SSH3: variants seen among roughly 807,000 people sequenced by gnomAD.
SSH3 encodes slingshot protein phosphatase 3, also known as protein phosphatase Slingshot homolog 3.
SSH3 carries 67 observed loss-of-function variants against 75.0 expected under a neutral mutation model. That is an observed-to-expected ratio of 0.89 (90% CI 0.73 to 1.10). SSH3 has a LOEUF of 1.10. Ranked by LOEUF, SSH3 falls within the 50% of genes least tolerant of loss-of-function variation. The pLI is 0.00. For missense variants in SSH3, 824 were observed against 872.7 expected (o/e 0.94, Z 0.70); for synonymous variants, 318 against 349.2 (o/e 0.91, Z 1.00).
chr11:67,306,809 G>A lies in SSH3; in HGVS notation c.340-29G>A, dbSNP rs772201408. The A allele has an allele frequency of 1.0e-5, 16 of 1,591,328 alleles. No homozygotes were observed. In the Admixed American group the frequency reaches 2.7e-4, roughly 27 times the overall value. On this transcript the variant is annotated intron_variant, in intron 3 of 13. Transcript: ENST00000308127. ...GGGGAGCAGGGTCCTTGGGGCCACT[G>A]TGACCCTGGGTTCCTCATCTCCCCC...
At chr11:67,304,222 T>C in intron 2 of SSH3, 67 bp downstream of exon 2, 1 of 1,281,212 alleles carries the variant, frequency 7.8e-7, no homozygotes, top group Non-Finnish European at 1.1e-6. Flanking sequence ...CGTCCTGGGC[T>C]CCAGCTGCAG....
At chr11:67,306,730 G>C (rs1342685816) in intron 3 of SSH3, 108 bp from the exon 4 acceptor site, 1 of 1,275,182 alleles carries the variant, frequency 7.8e-7, no homozygotes, top group Non-Finnish European at 1.1e-6. Flanking sequence ...GAAGAGGGGG[G>C]ATGGGAGAGG....
At position 67,307,025 on chromosome 11, in the gene SSH3, C is replaced by T. The variant is rs369540734; in HGVS notation, c.465-17C>T. ...AGGGACAGGGGGGACAATGGCTTTC[C>T]CTCTGTCCCCTGCCAGCTCCCCCAG... On this transcript the variant is annotated splice_polypyrimidine_tract_variant and intron_variant, in intron 4 of 13. Transcript: ENST00000308127. This position sits in a 1 kb window ranked among gnomAD's most constrained non-coding sequence, Gnocchi z 4.2. 4.3e-6 allele frequency: 7 copies of T among 1,613,786 alleles called. No homozygotes were observed. The African/African-American group carries it at 5.3e-5, about 12-fold the overall frequency.
At chr11:67,311,184 A>C (rs941790919) in intron 13 of SSH3, among the ~76,000 whole-genome samples, 1 of 152,090 alleles carries the variant, frequency 6.6e-6, no homozygotes, top group African/African-American at 2.4e-5. Context: ...AGAGGTCCTC[A>C]CCCAGCACCG....
chr11:67,308,561 C>A lies in SSH3; in HGVS notation c.1061+103C>A. 6.9e-7 allele frequency: 1 copy of A among 1,449,896 alleles called. No homozygotes were observed. Among genetic ancestry groups the A allele is most frequent in the Non-Finnish European group, 9.4e-7 (1 of 1,063,534 alleles). 89.8% of individuals were successfully genotyped at this position (1,449,896 alleles called of 1,614,324 possible). A position where few individuals can be genotyped will look rare whatever the true frequency, so the allele number is the denominator to read the frequency against. The stretch of plus-strand genomic sequence containing the variant: ...TCAAAAACCCCTGGACCACCCTCAG[C>A]AGCTGCTAGCTCTGCTTCTAACTCT... On this transcript the variant is annotated intron_variant, in intron 10 of 13. Coordinates refer to ENST00000308127, the MANE Select transcript of SSH3 (RefSeq NM_017857.4). The surrounding 1 kb of genome is among the most constrained non-coding windows in gnomAD (Gnocchi z 4.9).
intron 3 of SSH3, 139 bp from the exon 4 acceptor site, chr11:67,306,699 A>C (rs1032866535): frequency 2.9e-6 from 3 of 1,048,060 alleles, no homozygotes; most frequent in Non-Finnish European, 4.0e-6. Flanking sequence ...GTCCCTCTTT[A>C]CCCACTGATT....
At chr11:67,304,671 G>A (rs1408840355) in intron 2 of SSH3, 102 bp from the exon 3 acceptor site, 5 of 1,206,480 alleles carry the variant, frequency 4.1e-6, no homozygotes, top group Non-Finnish European at 5.9e-6. Context: ...CCATGAATCC[G>A]TGTAGACAAG....
rs1861157197 is a variant in SSH3 at position 67,304,171 on chromosome 11, C to T, written c.104+16C>T. 1 of 1,581,004 alleles carries T rather than the reference C, an allele frequency of 6.3e-7. No homozygotes were observed. On this transcript the variant is annotated intron_variant, in intron 2 of 13. Coordinates refer to ENST00000308127, the MANE Select transcript of SSH3 (RefSeq NM_017857.4). ...TCCAGCGAAGGTGAGCGCCACCTCC[C>T]CCACGCAGACACTTCCGTCTGCCCC...
At position 67,308,175 on chromosome 11, in the gene SSH3, T is replaced by G. The variant is rs1389964098; in HGVS notation, c.887T>G (p.Ile296Ser). 1 of 1,612,900 alleles carries G rather than the reference T, an allele frequency of 6.2e-7. No individual in the cohort carries two copies. The highest frequency in any genetic ancestry group is 8.5e-7 in the Non-Finnish European group (1 of 1,179,586). The change falls in exon 9 of 14, where the codon ATC (isoleucine) becomes AGC (serine). Residue 296 changes from isoleucine to serine, a missense_variant and splice_region_variant. Coordinates refer to ENST00000308127, the MANE Select transcript of SSH3 (RefSeq NM_017857.4). The surrounding 1 kb of genome is among the most constrained non-coding windows in gnomAD (Gnocchi z 4.9). Reference sequence around the variant, plus strand: ...TCTTGCCCTGGGCTCTGCCTGCAGATCCGCCAGGCTCTGGAGCTGCGCCTG... The same window carrying G: ...TCTTGCCCTGGGCTCTGCCTGCAGAGCCGCCAGGCTCTGGAGCTGCGCCTG... Reference protein sequence around the residue: ...SDLESVTSKEIRQALELRLGL... With the variant: ...SDLESVTSKESRQALELRLGL...
chr11:67,303,994 T>A, intron 1 of SSH3, 124 bp from the exon 2 acceptor site: 2 of 1,279,240 alleles, frequency 1.6e-6, no homozygotes, highest in Non-Finnish European at 2.1e-6. Context: ...GGGCGTGGAC[T>A]GGGGTGGGAA....
rs201934241 is a variant in SSH3, at chr11:67,307,876, G to A, written c.822G>A (p.Ala274=). 79 of 1,614,220 alleles carry A rather than the reference G, an allele frequency of 4.9e-5. No homozygotes were observed. The East Asian group carries it at 1.6e-3, about 34-fold the overall frequency. The change falls in exon 8 of 14, where the codon GCG becomes GCA. Residue 274 remains alanine, a synonymous_variant. Transcript: ENST00000308127. The surrounding 1 kb of genome is among the most constrained non-coding windows in gnomAD (Gnocchi z 4.2). Reference sequence around the variant, plus strand: ...CAGAACAGGAGCAGATGGAGCAGGCGATCCGTGCTGAGCTGTGGAAAGTGT... The same window carrying A: ...CAGAACAGGAGCAGATGGAGCAGGCAATCCGTGCTGAGCTGTGGAAAGTGT... ...GSSEQEQMEQ[A]IRAELWKVLD... is the part of the protein sequence containing the mutation.
At position 67,310,190 on chromosome 11, in the gene SSH3, G is replaced by T. The variant is rs139161442; in HGVS notation, c.1534G>T (p.Val512Phe). The T allele has an allele frequency of 8.5e-5, 138 of 1,614,112 alleles. No homozygotes were observed. Among genetic ancestry groups the T allele is most frequent in the Middle Eastern group, 1.6e-4 (1 of 6,084 alleles). The part of the protein sequence containing the change: ...PEPEGGGEEK[V>F]VGMEESQAAP... ...ACCTGAGGGTGGTGGGGAGGAGAAGGTTGTAGGCATGGAAGAGAGCCAGGC... is the reference window on the plus strand; with the variant it reads ...ACCTGAGGGTGGTGGGGAGGAGAAGTTTGTAGGCATGGAAGAGAGCCAGGC... Residue 512 changes from valine (V) to phenylalanine (F), a missense_variant, in exon 13 of 14, where the codon GTT becomes TTT. By Grantham distance (50) the Val-to-Phe change is conservative. Coordinates refer to ENST00000308127, the MANE Select transcript of SSH3 (RefSeq NM_017857.4).
In SSH3 at chr11:67,304,218, G is replaced by A; in HGVS notation, c.104+63G>A. The A allele has an allele frequency of 2.3e-6, 3 of 1,315,824 alleles. No individual in the cohort carries two copies. In the South Asian group the frequency reaches 3.8e-5, roughly 16 times the overall value. 81.5% of individuals were successfully genotyped at this position (1,315,824 alleles called of 1,614,324 possible). ...CCCCGGGCCTGGCCACGGCCGTCCT[G>A]GGCTCCAGCTGCAGGGACAGAAAGC... On this transcript the variant is annotated intron_variant, in intron 2 of 13. Transcript: ENST00000308127.
rs1159342765 is a variant in SSH3, at chr11:67,312,144, G to C, written c.*257G>C. 3 of 561,008 alleles carry C rather than the reference G, an allele frequency of 5.3e-6. No homozygotes were observed. The highest frequency in any genetic ancestry group is 3.8e-5 in the African/African-American group (2 of 52,840). The allele number at this position is 561,008 out of a possible 1,614,324, so 34.8% of individuals were successfully genotyped here. A position where few individuals can be genotyped will look rare whatever the true frequency, so the allele number is the denominator to read the frequency against. ...GACTTTCTAACTGGGATGTGGTAGA[G>C]GGACTGAAGGTACCTTTGGGGGCAA... On this transcript the variant is annotated 3_prime_UTR_variant, in exon 14 of 14. Transcript: ENST00000308127.
chr11:67,311,968 C>T lies in SSH3; in HGVS notation c.*81C>T, dbSNP rs1285444552. The T allele has an allele frequency of 3.5e-5, 54 of 1,564,966 alleles. No homozygotes were observed. Among genetic ancestry groups the T allele is most frequent in the Non-Finnish European group, 4.6e-5 (53 of 1,159,272 alleles). On this transcript the variant is annotated 3_prime_UTR_variant, in exon 14 of 14. Transcript: ENST00000308127. Reference sequence around the variant, plus strand: ...AGAAACACCCTCACGTCTGTTGCCGCACACATTCCTCTCAGCTCCGCCCCA... The same window carrying T: ...AGAAACACCCTCACGTCTGTTGCCGTACACATTCCTCTCAGCTCCGCCCCA...
chr11:67,312,042 C>A lies in SSH3; in HGVS notation c.*155C>A. 1 of 1,000,074 alleles carries A rather than the reference C, an allele frequency of 1.0e-6. No individual in the cohort carries two copies. 62.0% of individuals were successfully genotyped at this position (1,000,074 alleles called of 1,614,324 possible). A position where few individuals can be genotyped will look rare whatever the true frequency, so the allele number is the denominator to read the frequency against. On this transcript the variant is annotated 3_prime_UTR_variant, in exon 14 of 14. Transcript: ENST00000308127. ...CCCACCCCTGTCACTACGGCCTCAC[C>A]TCCCACCCCTGTCACTACAGCCTCA...
chr11:67,309,863 G>T lies in SSH3; in HGVS notation c.1304G>T (p.Ser435Ile). The change falls in exon 12 of 14, where the codon AGC becomes ATC. Residue 435 changes from serine to isoleucine, a missense_variant. By Grantham distance (142) the Ser-to-Ile change is moderately radical. Transcript: ENST00000308127. The stretch of plus-strand genomic sequence containing the variant: ...TATGCCATGAAGCAGTACGAATGCA[G>T]CCTGGAGCAGGCCCTGCGCCACGTG... ...LAYAMKQYEC[S>I]LEQALRHVQE... 6.2e-7 allele frequency: 1 copy of T among 1,613,028 alleles called. No individual in the cohort carries two copies. Among genetic ancestry groups the T allele is most frequent in the Non-Finnish European group, 8.5e-7 (1 of 1,180,032 alleles).
In SSH3 at chr11:67,312,423, C is replaced by T. The variant is rs1861434213; in HGVS notation, c.*536C>T. On this transcript the variant is annotated 3_prime_UTR_variant, in exon 14 of 14. Coordinates refer to ENST00000308127, the MANE Select transcript of SSH3 (RefSeq NM_017857.4). Reference sequence around the variant, plus strand: ...AGATCGCTTCCCTCATCCACCTCCACCGGTCCAGGTCTTTGCTGCTGTCCC... The same window carrying T: ...AGATCGCTTCCCTCATCCACCTCCATCGGTCCAGGTCTTTGCTGCTGTCCC... The T allele has an allele frequency of 5.9e-6, 1 of 170,560 alleles. No individual in the cohort carries two copies. The highest frequency in any genetic ancestry group is 2.4e-5 in the African/African-American group (1 of 41,668). The allele number at this position is 170,560 out of a possible 1,614,324, so 10.6% of individuals were successfully genotyped here. A position where few individuals can be genotyped will look rare whatever the true frequency, so the allele number is the denominator to read the frequency against.
intron 13 of SSH3, among the ~76,000 whole-genome samples, chr11:67,311,134 G>C (rs189152579): frequency 6.6e-6 from 1 of 152,196 alleles, no homozygotes; most frequent in African/African-American, 2.4e-5. Context: ...ATAGGGAGGC[G>C]TGGTGGGTTG....
Sources: allele counts gnomAD v4.1 joint callset (sites outside exome capture counted in the v4.1 genomes callset), GRCh38; gene constraint gnomAD v4.1.1; non-coding constraint Gnocchi (gnomAD v3.1); transcripts MANE v1.5; gene names NCBI Gene and HGNC (gene_info 2026-07-23, HGNC 2026-07-21).